FAT3: variants seen among roughly 807,000 people sequenced by gnomAD.
FAT3 encodes protocadherin Fat 3.
FAT3 carries 95 observed loss-of-function variants against 310.2 expected under a neutral mutation model. The ratio of observed to expected loss-of-function variants is 0.31; its 90% CI spans 0.26 to 0.36. The LOEUF (loss-of-function observed/expected upper bound fraction) is 0.36. FAT3 is among the 10% of genes least tolerant of loss of function. The probability of loss-of-function intolerance (pLI) is 1.00; values close to 1 mark genes in which losing one functional copy is unlikely to be tolerated. For synonymous variants in FAT3, 2,314 were observed against 2,192.9 expected, an observed-to-expected ratio of 1.06 and a Z score of -1.54; for missense variants, 5,408 against 5,715.6, an observed-to-expected ratio of 0.95 and a Z score of 1.74.
chr11:92,304,099 C>T (rs1947063915), intron 1 of FAT3, among the ~76,000 whole-genome samples: 1 of 151,972 alleles, frequency 6.6e-6, no homozygotes, highest in African/African-American at 2.4e-5. Context: ...AGACTTTTTC[C>T]CTCTTAATCC....
At chr11:92,723,734 CAA>C (rs1213499627) in intron 4 of FAT3, among the ~76,000 whole-genome samples, 1 of 152,124 alleles carries the variant, frequency 6.6e-6, no homozygotes, top group East Asian at 1.9e-4. Context: ...TGGTGGCAGA[CAA>C]GAGAAGGGAG....
intron 6 of FAT3, 49 bp from the exon 7 acceptor site, chr11:92,773,992 G>A (rs768146951): frequency 1.9e-6 from 3 of 1,603,728 alleles, no homozygotes; most frequent in South Asian, 1.1e-5. Context: ...TATAATGCAT[G>A]TAACAAGTTA....
intron 1 of FAT3, among the ~76,000 whole-genome samples, chr11:92,319,590 G>A (rs1295761479): frequency 1.3e-5 from 2 of 152,146 alleles, no homozygotes; most frequent in African/African-American, 4.8e-5. Flanking sequence ...CCTGTGCAAA[G>A]TGTTGCTGAT....
rs145821873 is a variant in FAT3 at position 92,453,597 on chromosome 11, G to A, written c.3293-71037G>A. Among the ~76,000 whole-genome samples the A allele has an allele frequency of 7.1e-3, 1,085 of 152,028 alleles. 20 individuals are homozygous for A. The highest frequency in any genetic ancestry group is 0.025 in the African/African-American group (1,041 of 41,478). On this transcript the variant is annotated intron_variant, in intron 2 of 27. Transcript: ENST00000525166. ...GAGAATCAAATTACATATAAGCATA[G>A]TCTAGCTCTGAGAAGTCCTTCACTA...
intron 3 of FAT3, among the ~76,000 whole-genome samples, chr11:92,561,731 T>C (rs1332779115): frequency 2.0e-5 from 3 of 152,176 alleles, no homozygotes; most frequent in Non-Finnish European, 4.4e-5. Context: ...GTTCAAGCAA[T>C]TCTCCTGCCT....
chr11:92,589,659 C>A (rs969570551), intron 3 of FAT3, among the ~76,000 whole-genome samples: 3 of 151,940 alleles, frequency 2.0e-5, no homozygotes, highest in Non-Finnish European at 2.9e-5. Context: ...GATTGAGTTT[C>A]GGTGGTGTTT....
intron 1 of FAT3, among the ~76,000 whole-genome samples, chr11:92,328,660 C>T (rs16917391): frequency 0.062 from 9,479 of 152,282 alleles, 452 homozygotes; most frequent in African/African-American, 0.13. Flanking sequence ...AGGCACGTGA[C>T]AGCCGTGTGT....
At chr11:92,268,082 G>C (rs1219456869) in intron 1 of FAT3, among the ~76,000 whole-genome samples, 1 of 150,598 alleles carries the variant, frequency 6.6e-6, no homozygotes, top group East Asian at 1.9e-4. Context: ...AATCAGTTCA[G>C]AGAAGGAAAA....
At chr11:92,583,343 T>C (rs1938921502) in intron 3 of FAT3, among the ~76,000 whole-genome samples, 1 of 152,028 alleles carries the variant, frequency 6.6e-6, no homozygotes, top group South Asian at 2.1e-4. Context: ...TCTGTTGGGT[T>C]AAGGCAGGGA....
chr11:92,507,554 A>G (rs753299077), intron 2 of FAT3, among the ~76,000 whole-genome samples: 26 of 151,996 alleles, frequency 1.7e-4, no homozygotes, highest in Middle Eastern at 3.4e-3. Context: ...TATAGGGTGT[A>G]TATATATACA....
At chr11:92,469,961 C>A (rs1373646458) in intron 2 of FAT3, among the ~76,000 whole-genome samples, 2 of 152,170 alleles carry the variant, frequency 1.3e-5, no homozygotes, top group Non-Finnish European at 2.9e-5. Flanking sequence ...ATATCTGGAA[C>A]ATATTATCCA....
intron 3 of FAT3, among the ~76,000 whole-genome samples, chr11:92,677,603 A>G (rs1336140837): frequency 6.6e-6 from 1 of 152,202 alleles, no homozygotes; most frequent in Admixed American, 6.5e-5. Flanking sequence ...TGGAGGATGG[A>G]AAGTCCAAGG....
At chr11:92,717,799 G>A (rs1944733102) in intron 4 of FAT3, among the ~76,000 whole-genome samples, 1 of 151,824 alleles carries the variant, frequency 6.6e-6, no homozygotes, top group Admixed American at 6.6e-5. Flanking sequence ...TGGCTCATTG[G>A]GACCACAACC....
intron 3 of FAT3, among the ~76,000 whole-genome samples, chr11:92,673,635 A>T (rs1943197928): frequency 6.6e-6 from 1 of 152,194 alleles, no homozygotes. Context: ...TTTGGTGTTC[A>T]GAAGATGCCT....
chr11:92,756,167 G>C (rs1945985363), intron 4 of FAT3, among the ~76,000 whole-genome samples: 3 of 152,196 alleles, frequency 2.0e-5, no homozygotes, highest in Admixed American at 2.0e-4. Context: ...TATGTTCCAA[G>C]ATCCCCAGTG....
At chr11:92,614,946 A>G (rs912545756) in intron 3 of FAT3, among the ~76,000 whole-genome samples, 4 of 152,190 alleles carry the variant, frequency 2.6e-5, no homozygotes, top group African/African-American at 4.8e-5. Flanking sequence ...TCCTAGCACT[A>G]TATGTTATGT....
At chr11:92,598,285 G>T (rs189712591) in intron 3 of FAT3, among the ~76,000 whole-genome samples, 1 of 147,596 alleles carries the variant, frequency 6.8e-6, no homozygotes, top group Non-Finnish European at 1.5e-5. Context: ...GGAGTACAGT[G>T]TCACAATCTC....
At chr11:92,642,146 G>A (rs1457593975) in intron 3 of FAT3, among the ~76,000 whole-genome samples, 1 of 152,212 alleles carries the variant, frequency 6.6e-6, no homozygotes, top group Non-Finnish European at 1.5e-5. Flanking sequence ...CAGAACCTGA[G>A]GAACTGATCC....
chr11:92,363,775 AC>A (rs994355732), intron 2 of FAT3, among the ~76,000 whole-genome samples: 1 of 152,212 alleles, frequency 6.6e-6, no homozygotes, highest in African/African-American at 2.4e-5. Flanking sequence ...GACAGCAGAA[AC>A]TTTTCTTGGC....
Sources: gnomAD v4.1 joint callset for allele counts (sites outside exome capture counted in the v4.1 genomes callset) on GRCh38, gnomAD v4.1.1 for gene constraint, MANE v1.5 for transcripts, NCBI Gene and HGNC (gene_info 2026-07-23, HGNC 2026-07-21) for gene names.